The following LRRC1 variants were observed in gnomAD, a reference collection of about 807,000 sequenced individuals.
LRRC1 encodes the protein leucine-rich repeat-containing protein 1.
Under a neutral mutation model 69.9 loss-of-function variants are expected in LRRC1, and 28 were observed. The observed-to-expected ratio is 0.40, with a 90% CI of 0.30 to 0.55. The LOEUF is 0.55. Among genes scored for constraint, LRRC1 ranks in the 20% least tolerant of loss-of-function variants. The pLI is 0.47. For synonymous variants in LRRC1, 236 were observed against 240.2 expected (o/e 0.98, Z 0.16); for missense variants, 498 against 609.0 (o/e 0.82, Z 1.92).
chr6:53,823,257 T>G (rs4236113), intron 1 of LRRC1, among the ~76,000 whole-genome samples: 125,930 of 152,172 alleles, frequency 0.83, 52,300 homozygotes, highest in East Asian at 0.92. Context: ...AATTTCATAT[T>G]TAAAAGTTCT....
rs2127438419 is a variant in LRRC1, at chr6:53,904,393, C to T, written c.921C>T (p.Ser307=). 6.2e-7 allele frequency: 1 copy of T among 1,608,974 alleles called. No individual in the cohort carries two copies. The highest frequency in any genetic ancestry group is 2.2e-5 in the East Asian group (1 of 44,714). ...TATTTTAACAGACCCTGCCTAAAAG[C>T]ATTGGAAAACTAAAGAAGTTGAGCA... The part of the protein sequence containing the change: ...TENQLLTLPK[S]IGKLKKLSNL... The change falls in exon 10 of 14, where the codon AGC becomes AGT. Residue 307 remains serine, a synonymous_variant. Transcript: ENST00000370888.
chr6:53,844,680 G>A (rs1421533195), intron 2 of LRRC1, among the ~76,000 whole-genome samples: 2 of 152,106 alleles, frequency 1.3e-5, no homozygotes, highest in Non-Finnish European at 2.9e-5. Flanking sequence ...ATTTTTCCCC[G>A]CTCACTTTCA....
chr6:53,814,179 A>G (rs1166834384), intron 1 of LRRC1, among the ~76,000 whole-genome samples: 1 of 152,070 alleles, frequency 6.6e-6, no homozygotes, highest in Non-Finnish European at 1.5e-5. Context: ...GTGTAGGTCA[A>G]ATATTTGTGG....
rs375366228 is a variant in LRRC1, at chr6:53,873,579, G to A, written c.278-5414G>A. Among the ~76,000 whole-genome samples, 8 of 151,906 alleles carry A rather than the reference G, an allele frequency of 5.3e-5. No homozygotes were observed. In the South Asian group the frequency reaches 6.2e-4, roughly 12 times the overall value. On this transcript the variant is annotated intron_variant, in intron 2 of 13. Transcript: ENST00000370888. Reference sequence around the variant, plus strand: ...CTCCCAAAGCGCTGGGACCACAGGCGCGAGCCACCATGCCCGGCCGGGAAA... The same window carrying A: ...CTCCCAAAGCGCTGGGACCACAGGCACGAGCCACCATGCCCGGCCGGGAAA...
rs751805422 is a variant in LRRC1, at chr6:53,902,718, GAGTT to G, written c.882_885del (p.Leu294PhefsTer8). On this transcript the variant is annotated frameshift_variant, in exon 9 of 14. Coordinates refer to ENST00000370888, the MANE Select transcript of LRRC1 (RefSeq NM_018214.5). LOFTEE classifies it high-confidence loss of function. ...AGTTGGGGAATGTGAAAGTCTCACT[GAGTT>G]AGTTCTTACAGAAAATCAGCTCCTG... 1.9e-6 allele frequency: 3 copies of G among 1,612,792 alleles called. No individual in the cohort carries two copies. Among genetic ancestry groups the G allele is most frequent in the Non-Finnish European group, 2.5e-6 (3 of 1,179,244 alleles).
At chr6:53,865,788 C>G (rs931204582) in intron 2 of LRRC1, among the ~76,000 whole-genome samples, 4 of 147,930 alleles carry the variant, frequency 2.7e-5, no homozygotes, top group Non-Finnish European at 4.5e-5. Context: ...GTGGTGTGAT[C>G]TCGGCTCACT....
intron 4 of LRRC1, among the ~76,000 whole-genome samples, chr6:53,888,829 CTG>C (rs1767579332): frequency 6.6e-6 from 1 of 152,034 alleles, no homozygotes; most frequent in African/African-American, 2.4e-5. Context: ...ACACCAAAGT[CTG>C]TGTAACAAAA....
At chr6:53,855,011 A>G (rs769347486) in intron 2 of LRRC1, among the ~76,000 whole-genome samples, 6 of 152,230 alleles carry the variant, frequency 3.9e-5, no homozygotes, top group Non-Finnish European at 8.8e-5. Context: ...GGGGATTTCC[A>G]GAAGGTTGTG....
At chr6:53,835,068 G>T (rs1331299537) in intron 1 of LRRC1, among the ~76,000 whole-genome samples, 3 of 152,278 alleles carry the variant, frequency 2.0e-5, no homozygotes, top group Middle Eastern at 3.4e-3. Flanking sequence ...TACCAATTCT[G>T]TGCATTTTTG....
rs79353857 is a variant in LRRC1 at position 53,860,173 on chromosome 6, T to C, written c.277+17946T>C. Among the ~76,000 whole-genome samples the C allele has an allele frequency of 2.2e-3, 342 of 152,360 alleles. 1 individual carries two copies. The highest frequency in any genetic ancestry group is 7.7e-3 in the African/African-American group (321 of 41,580). ...CTGATTCTCAGTCTTGAATTTTCTA[T>C]AATTTGTAAGACAGTACTGGTTCTG... On this transcript the variant is annotated intron_variant, in intron 2 of 13. Transcript: ENST00000370888.
chr6:53,818,972 A>G (rs968731791), intron 1 of LRRC1, among the ~76,000 whole-genome samples: 6 of 152,228 alleles, frequency 3.9e-5, no homozygotes, highest in Non-Finnish European at 7.3e-5. Context: ...ACTGACCCTC[A>G]TAAGAGTACA....
intron 4 of LRRC1, among the ~76,000 whole-genome samples, chr6:53,894,571 T>G (rs1767806176): frequency 6.6e-6 from 1 of 152,216 alleles, no homozygotes; most frequent in Non-Finnish European, 1.5e-5. Flanking sequence ...AGAGATAAAA[T>G]GACAATCCTA....
At chr6:53,817,552 A>G (rs1302786371) in intron 1 of LRRC1, among the ~76,000 whole-genome samples, 1 of 152,116 alleles carries the variant, frequency 6.6e-6, no homozygotes, top group African/African-American at 2.4e-5. Flanking sequence ...TATTTCTCCT[A>G]ACTTAAACTT....
At chr6:53,910,714 T>C (rs1768380644) in intron 10 of LRRC1, among the ~76,000 whole-genome samples, 1 of 152,278 alleles carries the variant, frequency 6.6e-6, no homozygotes, top group Non-Finnish European at 1.5e-5. Context: ...TAATCATTAT[T>C]GTTACTTTTG....
chr6:53,838,526 T>G (rs1289939963), intron 1 of LRRC1, among the ~76,000 whole-genome samples: 1 of 152,236 alleles, frequency 6.6e-6, no homozygotes, highest in Admixed American at 6.5e-5. Context: ...GAGATGGTGA[T>G]GGGTTTTGTA....
chr6:53,852,788 G>T (rs1204800584), intron 2 of LRRC1, among the ~76,000 whole-genome samples: 1 of 152,078 alleles, frequency 6.6e-6, no homozygotes, highest in African/African-American at 2.4e-5. Flanking sequence ...ATTTAAACTT[G>T]CAAAAAAACC....
intron 8 of LRRC1, 104 bp from the exon 9 acceptor site, chr6:53,902,525 A>C (rs1164895672): frequency 2.0e-5 from 12 of 610,224 alleles, no homozygotes; most frequent in Non-Finnish European, 3.3e-5. Flanking sequence ...AAAATAAGTA[A>C]CTGTTTAAAA....
chr6:53,862,196 G>C (rs1469328876), intron 2 of LRRC1, among the ~76,000 whole-genome samples: 1 of 152,104 alleles, frequency 6.6e-6, no homozygotes, highest in African/African-American at 2.4e-5. Flanking sequence ...GTAATGTTGA[G>C]TGAAAGATAT....
chr6:53,918,456 AT>A (rs964662038), intron 11 of LRRC1, among the ~76,000 whole-genome samples: 4 of 152,014 alleles, frequency 2.6e-5, no homozygotes, highest in African/African-American at 7.2e-5. Flanking sequence ...GCACTCTTTG[AT>A]TTTTTTTACT....
Sources: allele counts gnomAD v4.1 joint callset (sites outside exome capture counted in the v4.1 genomes callset), GRCh38; gene constraint gnomAD v4.1.1; transcripts MANE v1.5; gene names NCBI Gene and HGNC (gene_info 2026-07-23, HGNC 2026-07-21).